SOX5: variants seen among roughly 807,000 people sequenced by gnomAD.
SOX5 encodes the protein transcription factor SOX-5.
In SOX5, 9 loss-of-function variants were observed where a neutral mutation model predicts 92.0. The ratio of observed to expected loss-of-function variants is 0.10; its 90% CI spans 0.06 to 0.17. SOX5 has a LOEUF of 0.17. Ranked by LOEUF, SOX5 falls within the 10% of genes least tolerant of loss-of-function variation. The probability of loss-of-function intolerance (pLI) is 1.00; values close to 1 mark genes in which losing one functional copy is unlikely to be tolerated. For missense variants in SOX5, 642 were observed against 944.5 expected, an observed-to-expected ratio of 0.68 and a Z score of 4.20; for synonymous variants, 344 against 336.3, an observed-to-expected ratio of 1.02 and a Z score of -0.25.
At position 24,228,151 on chromosome 12, in the gene SOX5, G is replaced by A. The variant is rs1256553528; in HGVS notation, c.-76-14734C>T. Among the ~76,000 whole-genome samples the A allele has an allele frequency of 9.9e-5, 15 of 152,218 alleles. No homozygotes were observed. The South Asian group carries it at 1.2e-3, about 13-fold the overall frequency. The stretch of plus-strand genomic sequence containing the variant: ...TTCCCTGTGATAAGCTTCTGCTTTC[G>A]AGCTCCACTGGGAAGATATTTTGTA... On this transcript the variant is annotated intron_variant, in intron 3 of 4. Transcript: ENST00000446891.
Position 23,787,068 on chromosome 12 carries a change from T to A in SOX5, c.482-31344A>T, listed in dbSNP as rs2095393723. ...TCTGCCAACAATAAACAGCTTTAGA[T>A]AATTCACAGAACTTCTTTTGATCTT... On this transcript the variant is annotated intron_variant, in intron 3 of 14. Transcript: ENST00000451604. Among the ~76,000 whole-genome samples the A allele has an allele frequency of 3.4e-5, 4 of 116,770 alleles. No homozygotes were observed. In the South Asian group the frequency reaches 1.2e-3, roughly 34 times the overall value. The allele number at this position is 116,770 out of a possible 152,430, so 76.6% of individuals were successfully genotyped here.
chr12:24,282,774 C>G (rs1040317669), intron 2 of SOX5, among the ~76,000 whole-genome samples: 1 of 152,162 alleles, frequency 6.6e-6, no homozygotes, highest in Non-Finnish European at 1.5e-5. Flanking sequence ...TTAATTAGGG[C>G]AGTGCTAGAT....
intron 4 of SOX5, among the ~76,000 whole-genome samples, chr12:24,058,717 T>C (rs1592755304): frequency 1.3e-5 from 2 of 152,216 alleles, no homozygotes; most frequent in East Asian, 3.8e-4. Flanking sequence ...AGTTTAGAAG[T>C]AGTCTTTTTA....
chr12:24,444,109 A>G (rs186994221), intron 1 of SOX5, among the ~76,000 whole-genome samples: 153 of 152,326 alleles, frequency 1.0e-3, no homozygotes, highest in African/African-American at 3.6e-3. Flanking sequence ...GAAATGCCTA[A>G]AAGATGCTAG....
At chr12:24,068,737 TATATATATATACAC>T (rs1294525085) in intron 4 of SOX5, among the ~76,000 whole-genome samples, 1,179 of 83,850 alleles carry the variant, frequency 0.014, 21 homozygotes, top group African/African-American at 0.037. Context: ...TATATATATA[TATATATATATACAC>T]ACACACACAT....
chr12:23,925,168 A>G (rs1939603477), intron 1 of SOX5, among the ~76,000 whole-genome samples: 1 of 152,136 alleles, frequency 6.6e-6, no homozygotes, highest in Non-Finnish European at 1.5e-5. Context: ...TTATGACCTC[A>G]TAAATCAGTA....
intron 3 of SOX5, among the ~76,000 whole-genome samples, chr12:23,783,850 C>T (rs984312632): frequency 2.0e-5 from 3 of 152,108 alleles, no homozygotes; most frequent in Non-Finnish European, 4.4e-5. Context: ...AGATAATTTA[C>T]CACGTAGATT....
chr12:24,402,640 A>G (rs1407409156), intron 1 of SOX5, among the ~76,000 whole-genome samples: 4 of 152,212 alleles, frequency 2.6e-5, no homozygotes, highest in African/African-American at 7.2e-5. Flanking sequence ...TGCAAAATGT[A>G]TGTGGGCACT....
intron 4 of SOX5, among the ~76,000 whole-genome samples, chr12:23,755,076 T>C (rs1370967752): frequency 1.3e-5 from 2 of 151,804 alleles, no homozygotes; most frequent in Non-Finnish European, 2.9e-5. Flanking sequence ...TTAAATCTTC[T>C]CCCCTTGTTA....
intron 3 of SOX5, among the ~76,000 whole-genome samples, chr12:23,831,247 G>C (rs900788194): frequency 6.6e-6 from 1 of 151,920 alleles, no homozygotes; most frequent in Admixed American, 6.6e-5. Flanking sequence ...ATATCAAAAC[G>C]ATAAATGAAA....
At chr12:23,808,378 G>T (rs1480360579) in intron 3 of SOX5, among the ~76,000 whole-genome samples, 1 of 151,932 alleles carries the variant, frequency 6.6e-6, no homozygotes, top group East Asian at 1.9e-4. Context: ...AATGTAAGCT[G>T]ATGTTTATAG....
intron 4 of SOX5, among the ~76,000 whole-genome samples, chr12:23,991,008 C>A (rs964528425): frequency 6.6e-6 from 1 of 151,126 alleles, no homozygotes; most frequent in East Asian, 2.0e-4. Context: ...GATCCTTTAT[C>A]CAAAATCCTA....
intron 1 of SOX5, among the ~76,000 whole-genome samples, chr12:23,900,042 T>A (rs1050056872): frequency 2.6e-5 from 4 of 151,954 alleles, no homozygotes; most frequent in African/African-American, 9.7e-5. Flanking sequence ...TGAGGATAAA[T>A]AGACAGGGAA....
At chr12:23,534,699 CTTTTCTTTTTTTT>C (rs1015393243) in intron 14 of SOX5, among the ~76,000 whole-genome samples, 177 bp from the exon 15 acceptor site, 7 of 137,922 alleles carry the variant, frequency 5.1e-5, no homozygotes, top group Non-Finnish European at 7.9e-5. Context: ...TTTTTCTTTT[CTTTTCTTTTTTTT>C]TTTTTTTTTT....
At chr12:23,968,086 G>C (rs970080776) in intron 4 of SOX5, among the ~76,000 whole-genome samples, 1 of 152,160 alleles carries the variant, frequency 6.6e-6, no homozygotes, top group Non-Finnish European at 1.5e-5. Context: ...TTTGCCAAAA[G>C]TCAAATAAAT....
intron 9 of SOX5, among the ~76,000 whole-genome samples, chr12:23,596,866 G>A (rs559660709): frequency 2.2e-4 from 34 of 152,126 alleles, no homozygotes; most frequent in Non-Finnish European, 3.2e-4. Flanking sequence ...CTTTAAAAAT[G>A]AATATATTTA....
chr12:23,717,141 T>C lies in SOX5; in HGVS notation c.810+17543A>G, dbSNP rs181682912. Among the ~76,000 whole-genome samples the C allele has an allele frequency of 5.3e-3, 800 of 152,354 alleles. 13 individuals are homozygous for C. Among genetic ancestry groups the C allele is most frequent in the Admixed American group, 0.036 (556 of 15,302 alleles). On this transcript the variant is annotated intron_variant, in intron 6 of 14. Transcript: ENST00000451604. ...CTTTCTCCCACAGGATTCCGACAAT[T>C]GGAGTCATGTGTAAGCACTGTTTCA...
chr12:24,108,081 T>C (rs917953358), intron 4 of SOX5, among the ~76,000 whole-genome samples: 25 of 152,206 alleles, frequency 1.6e-4, no homozygotes, highest in African/African-American at 5.3e-4. Flanking sequence ...ACAACATATT[T>C]GTGAAGGGGA....
At chr12:24,236,896 A>G (rs185176217) in intron 3 of SOX5, among the ~76,000 whole-genome samples, 28 of 147,804 alleles carry the variant, frequency 1.9e-4, no homozygotes, top group Admixed American at 8.2e-4. Flanking sequence ...AAAATAGGTC[A>G]GTATCCACAA....
Sources: gnomAD v4.1 joint callset for allele counts (sites outside exome capture counted in the v4.1 genomes callset) on GRCh38, gnomAD v4.1.1 for gene constraint, MANE v1.5 for transcripts, NCBI Gene and HGNC (gene_info 2026-07-23, HGNC 2026-07-21) for gene names.